Variants in PLPPR5 observed in about 807,000 individuals in gnomAD.
PLPPR5 encodes phospholipid phosphatase related 5.
Under a neutral mutation model 33.9 loss-of-function variants are expected in PLPPR5, and 16 were observed. The observed-to-expected ratio is 0.47, with a 90% CI of 0.32 to 0.72. The LOEUF is 0.72. Ranked by LOEUF, PLPPR5 falls within the 30% of genes least tolerant of loss-of-function variation. The pLI is 0.03. For missense variants in PLPPR5, 301 were observed against 406.7 expected (o/e 0.74, Z 2.23); for synonymous variants, 163 against 150.3 (o/e 1.08, Z -0.62).
At position 98,890,604 on chromosome 1, in the gene PLPPR5, G is replaced by C. The variant is rs1207795473; in HGVS notation, c.*2468C>G. 6.6e-6 allele frequency: 1 copy of C among 152,542 alleles called. No individual in the cohort carries two copies. 9.4% of individuals were successfully genotyped at this position (152,542 alleles called of 1,614,324 possible). On this transcript the variant is annotated 3_prime_UTR_variant, in exon 6 of 6. Coordinates refer to ENST00000263177, the MANE Select transcript of PLPPR5 (RefSeq NM_001037317.2). ...GAATAAAAAGGAGATGTTTTTATCA[G>C]AAAGATATGTGTTTGCCTGCTTTTA... is the stretch of plus-strand genomic sequence containing the variant.
At chr1:98,916,278 C>T (rs1198836291) in intron 4 of PLPPR5, among the ~76,000 whole-genome samples, 1 of 152,146 alleles carries the variant, frequency 6.6e-6, no homozygotes, top group Non-Finnish European at 1.5e-5. Context: ...AGAAGAACTA[C>T]AGATTAGAGA....
intron 3 of PLPPR5, among the ~76,000 whole-genome samples, chr1:98,930,863 A>G (rs1418192076): frequency 6.6e-6 from 1 of 151,998 alleles, no homozygotes; most frequent in Non-Finnish European, 1.5e-5. Flanking sequence ...AGCTTCCTAC[A>G]TCCATTCCCA....
chr1:98,903,031 C>T (rs914222547), intron 5 of PLPPR5, among the ~76,000 whole-genome samples: 2 of 152,046 alleles, frequency 1.3e-5, no homozygotes, highest in African/African-American at 2.4e-5. Context: ...AGGAAAATGA[C>T]ATATGGCAAA....
chr1:98,897,645 CAATGATTT>C (rs1648528203), intron 5 of PLPPR5, among the ~76,000 whole-genome samples: 1 of 152,100 alleles, frequency 6.6e-6, no homozygotes, highest in Non-Finnish European at 1.5e-5. Context: ...GTCTTTCATG[CAATGATTT>C]ATGTCTCTGA....
intron 1 of PLPPR5, among the ~76,000 whole-genome samples, chr1:98,995,360 A>T (rs138183925): frequency 6.6e-6 from 1 of 152,136 alleles, no homozygotes; most frequent in African/African-American, 2.4e-5. Flanking sequence ...CCTATGGGAT[A>T]TTATTCTTAT....
intron 1 of PLPPR5, among the ~76,000 whole-genome samples, chr1:98,971,999 A>G (rs756947786): frequency 7.2e-5 from 11 of 151,976 alleles, no homozygotes; most frequent in Non-Finnish European, 1.6e-4. Flanking sequence ...CAGAATACAT[A>G]CTAACTTCTG....
At chr1:98,899,445 C>G (rs72728592) in intron 5 of PLPPR5, among the ~76,000 whole-genome samples, 25,721 of 152,198 alleles carry the variant, frequency 0.17, 2,428 homozygotes, top group Non-Finnish European at 0.21. Flanking sequence ...TAAGCATTAT[C>G]AGGGATGTAA....
intron 1 of PLPPR5, among the ~76,000 whole-genome samples, chr1:98,998,797 C>T (rs1652724046): frequency 6.6e-6 from 1 of 152,066 alleles, no homozygotes; most frequent in African/African-American, 2.4e-5. Flanking sequence ...TAATTAGAGT[C>T]TGACATACAG....
chr1:98,976,035 G>C (rs192550455), intron 1 of PLPPR5, among the ~76,000 whole-genome samples: 249 of 137,690 alleles, frequency 1.8e-3, no homozygotes, highest in African/African-American at 6.5e-3. Flanking sequence ...CCAGGGAATA[G>C]ACAGGCCCTG....
At chr1:98,962,885 C>A (rs1428949319) in intron 1 of PLPPR5, among the ~76,000 whole-genome samples, 1 of 152,102 alleles carries the variant, frequency 6.6e-6, no homozygotes, top group Non-Finnish European at 1.5e-5. Context: ...CGGTCTTGAA[C>A]TCCTGGCCTG....
At chr1:98,933,713 C>G (rs1008702639) in intron 3 of PLPPR5, among the ~76,000 whole-genome samples, 12 of 152,086 alleles carry the variant, frequency 7.9e-5, no homozygotes, top group African/African-American at 2.9e-4. Flanking sequence ...ACATACTGAC[C>G]ATTCAAATAG....
intron 1 of PLPPR5, among the ~76,000 whole-genome samples, chr1:98,993,494 T>C (rs1323952598): frequency 6.6e-6 from 1 of 152,126 alleles, no homozygotes; most frequent in Non-Finnish European, 1.5e-5. Flanking sequence ...TCATATAGTT[T>C]TGACTAAGTC....
intron 1 of PLPPR5, among the ~76,000 whole-genome samples, chr1:98,957,071 T>C (rs1439005892): frequency 6.6e-6 from 1 of 150,836 alleles, no homozygotes; most frequent in Non-Finnish European, 1.5e-5. Flanking sequence ...TCATTCTCAG[T>C]AAACTATCGC....
chr1:98,970,317 G>A (rs1371395569), intron 1 of PLPPR5, among the ~76,000 whole-genome samples: 1 of 151,994 alleles, frequency 6.6e-6, no homozygotes, highest in South Asian at 2.1e-4. Flanking sequence ...TTGTGCTTGG[G>A]ATAAATGCAG....
chr1:99,000,925 T>A (rs1008700663), intron 1 of PLPPR5, among the ~76,000 whole-genome samples: 1 of 152,110 alleles, frequency 6.6e-6, no homozygotes, highest in African/African-American at 2.4e-5. Flanking sequence ...AACACATGAA[T>A]TCAATAAATT....
intron 5 of PLPPR5, among the ~76,000 whole-genome samples, chr1:98,905,884 T>C (rs1211049200): frequency 6.6e-6 from 1 of 152,116 alleles, no homozygotes; most frequent in Admixed American, 6.6e-5. Flanking sequence ...AAATGACCTT[T>C]TGGGTGGAAA....
At chr1:99,000,213 C>A (rs1459543813) in intron 1 of PLPPR5, among the ~76,000 whole-genome samples, 1 of 152,192 alleles carries the variant, frequency 6.6e-6, no homozygotes, top group Admixed American at 6.5e-5. Context: ...TATATCATCT[C>A]TGTAAATAAG....
chr1:98,963,052 G>T (rs1651304346), intron 1 of PLPPR5, among the ~76,000 whole-genome samples: 2 of 152,114 alleles, frequency 1.3e-5, no homozygotes, highest in African/African-American at 4.8e-5. Context: ...ATCTTTTACA[G>T]CTTCAGCAAT....
intron 3 of PLPPR5, among the ~76,000 whole-genome samples, chr1:98,931,768 C>G (rs1366984321): frequency 6.6e-6 from 1 of 152,040 alleles, no homozygotes; most frequent in African/African-American, 2.4e-5. Context: ...GTTCAAAAAG[C>G]TTTGTGTGCC....
Sources: allele counts gnomAD v4.1 joint callset (sites outside exome capture counted in the v4.1 genomes callset), GRCh38; gene constraint gnomAD v4.1.1; transcripts MANE v1.5; gene names NCBI Gene and HGNC (gene_info 2026-07-23, HGNC 2026-07-21).